C1orf141: variants seen among roughly 807,000 people sequenced by gnomAD.
The protein encoded by C1orf141 is chromosome 1 open reading frame 141, also known as uncharacterized protein C1orf141.
Under a neutral mutation model 23.2 loss-of-function variants are expected in C1orf141, and 19 were observed. That is an observed-to-expected ratio of 0.82 (90% CI 0.57 to 1.20). The LOEUF is 1.20. Among genes scored for constraint, C1orf141 ranks in the 50% most tolerant of loss-of-function variants. The probability of loss-of-function intolerance (pLI) is 0.00; values close to 1 mark genes in which losing one functional copy is unlikely to be tolerated. For synonymous variants in C1orf141, 153 were observed against 154.6 expected (o/e 0.99, Z 0.08); for missense variants, 469 against 455.1 (o/e 1.03, Z -0.28).
At chr1:67,125,503 G>T (rs1646388427) in intron 4 of C1orf141, among the ~76,000 whole-genome samples, 1 of 152,116 alleles carries the variant, frequency 6.6e-6, no homozygotes, top group Non-Finnish European at 1.5e-5. Context: ...TTCAAGACCA[G>T]CCTGGGCAGC....
rs1206218863 is a variant in C1orf141 at position 67,134,945 on chromosome 1, C to T, written c.-119G>A. The T allele has an allele frequency of 6.6e-6, 1 of 152,460 alleles. No individual in the cohort carries two copies. Among genetic ancestry groups the T allele is most frequent in the Non-Finnish European group, 1.5e-5 (1 of 68,112 alleles). 9.4% of individuals were successfully genotyped at this position (152,460 alleles called of 1,614,324 possible). A position where few individuals can be genotyped will look rare whatever the true frequency, so the allele number is the denominator to read the frequency against. ...TGAAACAAACCTCATCTCCTTTCCT[C>T]CCTCTTCTGGCTCCGCGGGTTACTC... On this transcript the variant is annotated 5_prime_UTR_variant, in exon 1 of 8. Coordinates refer to ENST00000684719, the MANE Select transcript of C1orf141 (RefSeq NM_001276351.2).
At chr1:67,095,442 G>C in intron 6 of C1orf141, 21 bp from the exon 7 acceptor site, 1 of 1,413,176 alleles carries the variant, frequency 7.1e-7, no homozygotes, top group South Asian at 1.4e-5. Flanking sequence ...ACACAGTTCA[G>C]GGTAGTGTTC....
At chr1:67,104,918 T>A (rs754314167) in intron 5 of C1orf141, among the ~76,000 whole-genome samples, 6 of 152,194 alleles carry the variant, frequency 3.9e-5, no homozygotes, top group Non-Finnish European at 8.8e-5. Context: ...TCAAAAAGGA[T>A]TAAAATGTTG....
At chr1:67,138,854 T>G (rs1327206159), upstream of C1orf141, 2 of 152,220 alleles carry the variant, frequency 1.3e-5, no homozygotes, top group African/African-American at 4.8e-5. Flanking sequence ...GTTAGGCCAA[T>G]GAGATCACAA....
chr1:67,134,352 T>TG (rs1254815162), intron 1 of C1orf141, among the ~76,000 whole-genome samples: 1 of 152,214 alleles, frequency 6.6e-6, no homozygotes, highest in African/African-American at 2.4e-5. Flanking sequence ...AAAACTATGA[T>TG]GTACGTGGAT....
intron 4 of C1orf141, among the ~76,000 whole-genome samples, chr1:67,120,653 T>A (rs1646280260): frequency 1.3e-5 from 2 of 152,118 alleles, no homozygotes; most frequent in Admixed American, 1.3e-4. Context: ...CTCTGCCATG[T>A]GAAGATACAA....
At chr1:67,094,171 A>G (rs1223946340) in intron 7 of C1orf141, 1 of 152,252 alleles carries the variant, frequency 6.6e-6, no homozygotes, top group East Asian at 1.9e-4. Context: ...TAAAATAGCC[A>G]AAGTAATAGA....
chr1:67,106,250 C>G (rs1215401343), intron 5 of C1orf141, among the ~76,000 whole-genome samples: 2 of 152,212 alleles, frequency 1.3e-5, no homozygotes, highest in Non-Finnish European at 2.9e-5. Context: ...CTAAAAGAAC[C>G]AAGAAAGTGA....
chr1:67,116,460 C>T (rs142066519), intron 4 of C1orf141, among the ~76,000 whole-genome samples: 37 of 151,934 alleles, frequency 2.4e-4, no homozygotes, highest in South Asian at 1.0e-3. Context: ...CTTCTGTTTG[C>T]TCTCCCTGCT....
intron 2 of C1orf141, among the ~76,000 whole-genome samples, chr1:67,130,826 T>C (rs1646502947): frequency 6.6e-6 from 1 of 152,254 alleles, no homozygotes; most frequent in Admixed American, 6.5e-5. Context: ...TTGAAACTAA[T>C]ACAATTTTTT....
rs182977973 is a variant in C1orf141, at chr1:67,131,564, A to G, written c.-103-337T>C. Among the ~76,000 whole-genome samples, 473 of 152,284 alleles carry G rather than the reference A, an allele frequency of 3.1e-3. 4 individuals are homozygous for G. Among genetic ancestry groups the G allele is most frequent in the African/African-American group, 0.011 (465 of 41,568 alleles). Reference sequence around the variant, plus strand: ...TTCAGATGACATATGAGACCATCCAAGAAAAGATAGTCCAGGATCTGGCTC... The same window carrying G: ...TTCAGATGACATATGAGACCATCCAGGAAAAGATAGTCCAGGATCTGGCTC... On this transcript the variant is annotated intron_variant, in intron 1 of 7. Coordinates refer to ENST00000684719, the MANE Select transcript of C1orf141 (RefSeq NM_001276351.2).
intron 5 of C1orf141, among the ~76,000 whole-genome samples, chr1:67,109,612 A>G (rs953413541): frequency 1.8e-4 from 27 of 152,240 alleles, no homozygotes. Context: ...GACAATGAGC[A>G]TGAATCAAAC....
At chr1:67,102,698 C>T (rs963566772) in intron 5 of C1orf141, 3 of 151,934 alleles carry the variant, frequency 2.0e-5, no homozygotes, top group Admixed American at 6.6e-5. Context: ...ACAGAAAACT[C>T]GAGAATATTT....
intron 5 of C1orf141, among the ~76,000 whole-genome samples, chr1:67,109,726 G>A (rs1439640959): frequency 1.3e-5 from 2 of 152,068 alleles, no homozygotes; most frequent in African/African-American, 4.8e-5. Flanking sequence ...TTACGTCATT[G>A]GGTTGTTGAG....
rs185235238 is a variant in C1orf141, at chr1:67,120,695, G to C, written c.233+5057C>G. Among the ~76,000 whole-genome samples, 6 of 152,270 alleles carry C rather than the reference G, an allele frequency of 3.9e-5. No individual in the cohort carries two copies. The East Asian group carries it at 1.2e-3, about 29-fold the overall frequency. On this transcript the variant is annotated intron_variant, in intron 4 of 7. Coordinates refer to ENST00000684719, the MANE Select transcript of C1orf141 (RefSeq NM_001276351.2). The stretch of plus-strand genomic sequence containing the variant: ...GACAGCTGTCTGCAAAGCAGGAAGA[G>C]TGTCCTCACCAGACACTGATCTTGG...
Position 67,093,397 on chromosome 1 carries a change from T to C in C1orf141, c.811A>G (p.Thr271Ala). 6.2e-7 allele frequency: 1 copy of C among 1,612,854 alleles called. No individual in the cohort carries two copies. The change falls in exon 8 of 8, where the codon ACT becomes GCT. Residue 271 changes from threonine to alanine, a missense_variant. Transcript: ENST00000684719. The part of the protein sequence containing the change: ...QSISLFKPQK[T>A]MPTVQRKDIQ... ...TCTTTTCTCTGTACTGTAGGCATAG[T>C]TTTTTGGGGTTTGAAAAGAGAAATA... is the stretch of plus-strand genomic sequence containing the variant.
intron 1 of C1orf141, among the ~76,000 whole-genome samples, chr1:67,141,399 C>G (rs9729046): frequency 0.34 from 51,893 of 151,674 alleles, 9,080 homozygotes; most frequent in Admixed American, 0.47. Context: ...TCTTGTGAGA[C>G]TGGAAAAGTC....
chr1:67,116,867 C>A (rs1427703870), intron 4 of C1orf141, among the ~76,000 whole-genome samples: 2 of 152,198 alleles, frequency 1.3e-5, no homozygotes, highest in African/African-American at 4.8e-5. Context: ...TCAGAAAGAA[C>A]TTTCCAGCCC....
intron 5 of C1orf141, 97 bp from the exon 6 acceptor site, chr1:67,096,418 G>T: frequency 1.5e-6 from 1 of 660,156 alleles, no homozygotes; most frequent in East Asian, 2.8e-5. Context: ...AATAACATAT[G>T]GAAAGTACCT....
Sources: allele counts gnomAD v4.1 joint callset (sites outside exome capture counted in the v4.1 genomes callset), GRCh38; gene constraint gnomAD v4.1.1; transcripts MANE v1.5; gene names NCBI Gene and HGNC (gene_info 2026-07-23, HGNC 2026-07-21).